The following PPFIA1 variants were observed in gnomAD, a reference collection of about 807,000 sequenced individuals.
The protein encoded by PPFIA1 is liprin-alpha-1.
A neutral mutation model predicts 149.9 loss-of-function variants in PPFIA1; 25 were observed. The observed-to-expected ratio is 0.17, with a 90% CI of 0.12 to 0.23. The LOEUF (loss-of-function observed/expected upper bound fraction) is 0.23, where lower values mean the gene tolerates loss of function less well. PPFIA1 is among the 10% of genes least tolerant of loss of function. The probability of loss-of-function intolerance (pLI) is 1.00; values close to 1 mark genes in which losing one functional copy is unlikely to be tolerated. For synonymous variants in PPFIA1, 549 were observed against 552.8 expected (o/e 0.99, Z 0.10); for missense variants, 1,362 against 1,506.5 (o/e 0.90, Z 1.59).
chr11:70,366,595 C>T (rs1279356700), intron 21 of PPFIA1, among the ~76,000 whole-genome samples: 1 of 151,678 alleles, frequency 6.6e-6, no homozygotes, highest in African/African-American at 2.4e-5. Context: ...TGCGACGCCA[C>T]TGGCCTTCTG....
At chr11:70,308,971 T>C (rs1435960046) in intron 2 of PPFIA1, among the ~76,000 whole-genome samples, 1 of 152,138 alleles carries the variant, frequency 6.6e-6, no homozygotes, top group East Asian at 1.9e-4. Flanking sequence ...AAGGCTTTCA[T>C]TTCTGTTGGA....
intron 2 of PPFIA1, among the ~76,000 whole-genome samples, chr11:70,303,662 G>C (rs1183567845): frequency 1.3e-5 from 2 of 152,160 alleles, no homozygotes; most frequent in Non-Finnish European, 2.9e-5. Flanking sequence ...CTTATGTGCT[G>C]ATCAGGTGAC....
intron 2 of PPFIA1, among the ~76,000 whole-genome samples, chr11:70,296,489 G>C (rs559296439): frequency 2.8e-4 from 43 of 152,226 alleles, no homozygotes; most frequent in African/African-American, 1.0e-3. Flanking sequence ...AGGCCAGCCC[G>C]GCCAACACAG....
chr11:70,338,511 G>T, intron 13 of PPFIA1, 58 bp downstream of exon 13: 1 of 1,406,198 alleles, frequency 7.1e-7, no homozygotes, highest in African/African-American at 1.4e-5. Flanking sequence ...GCCAGTTCTT[G>T]GCTATGTGGG....
rs143099424 is a variant in PPFIA1 at position 70,367,818 on chromosome 11, T to C, written c.2866-4397T>C. ...AATACATAATCAGCAAGCAAGAGAATAATACCAGATATCCCTGCTACATGT... is the reference window on the plus strand; with the variant it reads ...AATACATAATCAGCAAGCAAGAGAACAATACCAGATATCCCTGCTACATGT... On this transcript the variant is annotated intron_variant, in intron 21 of 27. Coordinates refer to ENST00000253925, the MANE Select transcript of PPFIA1 (RefSeq NM_003626.5). Among the ~76,000 whole-genome samples the C allele has an allele frequency of 2.8e-3, 425 of 152,296 alleles. 3 individuals are homozygous for C. The highest frequency in any genetic ancestry group is 9.8e-3 in the African/African-American group (409 of 41,570).
At chr11:70,277,553 C>T (rs888774005) in intron 2 of PPFIA1, among the ~76,000 whole-genome samples, 5 of 151,510 alleles carry the variant, frequency 3.3e-5, no homozygotes, top group African/African-American at 4.9e-5. Context: ...TGCAGTGGCA[C>T]GATCTTGGCG....
Position 70,376,558 on chromosome 11 carries a change from T to A in PPFIA1, c.3342T>A (p.Phe1114Leu). The change falls in exon 25 of 28, where the codon TTT (phenylalanine) becomes TTA (leucine). Residue 1114 changes from phenylalanine to leucine, a missense_variant. Physicochemically the swap from Phe to Leu is conservative, Grantham distance 22. This residue lies in a region of PPFIA1 where 349 missense variants were observed against 373.3 expected (regional missense o/e 0.93). Transcript: ENST00000253925. ...TQARAVLERE[F>L]NNLLVMGTDR... is the part of the protein sequence containing the mutation. ...CTCGTGCTGTCTTGGAAAGAGAATTTAACAACCTTTTGGTCATGGGGACTG... is the reference window on the plus strand; with the variant it reads ...CTCGTGCTGTCTTGGAAAGAGAATTAAACAACCTTTTGGTCATGGGGACTG... 6.2e-7 allele frequency: 1 copy of A among 1,614,062 alleles called. No homozygotes were observed. Among genetic ancestry groups the A allele is most frequent in the African/African-American group, 1.3e-5 (1 of 75,070 alleles).
intron 21 of PPFIA1, chr11:70,364,556 T>C (rs772843668): frequency 6.6e-6 from 1 of 152,178 alleles, no homozygotes; most frequent in Non-Finnish European, 1.5e-5. Flanking sequence ...AAAAAAAGTT[T>C]TGAGGGGTTT....
intron 2 of PPFIA1, chr11:70,283,977 G>A: frequency 1.9e-6 from 1 of 533,486 alleles, no homozygotes; most frequent in Non-Finnish European, 3.9e-6. Flanking sequence ...ATTGCTGTTA[G>A]GTTGGTGCAA....
chr11:70,305,416 A>C (rs2136419548), intron 2 of PPFIA1, among the ~76,000 whole-genome samples: 1 of 152,238 alleles, frequency 6.6e-6, no homozygotes, highest in African/African-American at 2.4e-5. Context: ...CACTCTGGCC[A>C]AGCTGGAGTG....
chr11:70,337,431 C>A lies in PPFIA1; in HGVS notation c.1491+4C>A. ...AGAAGAAACACAACACGATAAGGTACTGAAATCTTCTCTAAATCCATGAAG... is the reference window on the plus strand; with the variant it reads ...AGAAGAAACACAACACGATAAGGTAATGAAATCTTCTCTAAATCCATGAAG... On this transcript the variant is annotated splice_donor_region_variant and intron_variant, in intron 12 of 27. Transcript: ENST00000253925. 2 of 1,580,774 alleles carry A rather than the reference C, an allele frequency of 1.3e-6. No individual in the cohort carries two copies. The highest frequency in any genetic ancestry group is 1.7e-6 in the Non-Finnish European group (2 of 1,159,538).
chr11:70,355,930 G>C, intron 18 of PPFIA1, 119 bp downstream of exon 18: 1 of 1,311,584 alleles, frequency 7.6e-7, no homozygotes, highest in Non-Finnish European at 1.1e-6. Flanking sequence ...GGGAGCAGCA[G>C]CTGTGAAGGC....
intron 2 of PPFIA1, among the ~76,000 whole-genome samples, chr11:70,298,390 G>C (rs2052234838): frequency 6.6e-6 from 1 of 152,172 alleles, no homozygotes; most frequent in African/African-American, 2.4e-5. Flanking sequence ...AGAAATACTT[G>C]TTCCTGAAAC....
intron 7 of PPFIA1, chr11:70,329,816 T>C (rs2054549143): frequency 4.8e-6 from 1 of 208,498 alleles, no homozygotes; most frequent in African/African-American, 2.3e-5. Context: ...TAGTCCCAGC[T>C]ACTGGGAAGA....
chr11:70,295,454 G>A, intron 2 of PPFIA1, among the ~76,000 whole-genome samples: 1 of 145,332 alleles, frequency 6.9e-6, no homozygotes. Context: ...AGTAGGGGCA[G>A]CCGGGCAGAG....
chr11:70,336,922 A>G (rs2055013541), intron 11 of PPFIA1, among the ~76,000 whole-genome samples: 1 of 152,192 alleles, frequency 6.6e-6, no homozygotes, highest in Non-Finnish European at 1.5e-5. Context: ...CTGACCATGG[A>G]GGGCATTTCC....
chr11:70,345,902 A>T (rs888529116), intron 15 of PPFIA1: 1 of 351,436 alleles, frequency 2.8e-6, no homozygotes, highest in Non-Finnish European at 5.9e-6. Flanking sequence ...GTCCCGTCAC[A>T]CAGTGGCCTG....
intron 19 of PPFIA1, 95 bp from the exon 20 acceptor site, chr11:70,362,000 G>T: frequency 1.8e-6 from 2 of 1,119,578 alleles, no homozygotes; most frequent in African/African-American, 1.5e-5. Flanking sequence ...GGCTCAAGTG[G>T]TCCTCCTGCC....
rs761573726 is a variant in PPFIA1 at position 70,335,656 on chromosome 11, C to G, written c.1390C>G (p.Leu464Val). ...TTCAGAATCTAATGAGAGGCTTCAA[C>G]TTCATCTTAAAGAGAGAATGGCTGC... The part of the protein sequence containing the change: ...LLSESNERLQ[L>V]HLKERMAALE... The change falls in exon 11 of 28, where the codon CTT becomes GTT. Residue 464 changes from leucine to valine, a missense_variant. Coordinates refer to ENST00000253925, the MANE Select transcript of PPFIA1 (RefSeq NM_003626.5). 1 of 1,614,100 alleles carries G rather than the reference C, an allele frequency of 6.2e-7. No individual in the cohort carries two copies. The highest frequency in any genetic ancestry group is 1.7e-5 in the Admixed American group (1 of 60,034).
Sources: allele counts gnomAD v4.1 joint callset (sites outside exome capture counted in the v4.1 genomes callset), GRCh38; gene constraint gnomAD v4.1.1; regional missense constraint gnomAD v4.1.1; transcripts MANE v1.5; gene names NCBI Gene and HGNC (gene_info 2026-07-23, HGNC 2026-07-21).